Variants in RFLNA observed in about 807,000 individuals in gnomAD.
RFLNA encodes the protein refilin A, also known as refilin-A.
A neutral mutation model predicts 7.8 loss-of-function variants in RFLNA; 5 were observed. That is an observed-to-expected ratio of 0.64 (90% confidence interval 0.34 to 1.35). The LOEUF is 1.35. RFLNA is among the 40% of genes most tolerant of loss of function. The pLI, the probability that RFLNA is intolerant of heterozygous loss-of-function variation, is 0.04. For synonymous variants in RFLNA, 141 were observed against 131.3 expected (o/e 1.07, Z -0.50); for missense variants, 278 against 305.5 (o/e 0.91, Z 0.67).
At chr12:124,299,797 G>GT (rs956735791) in intron 1 of RFLNA, among the ~76,000 whole-genome samples, 13 of 144,394 alleles carry the variant, frequency 9.0e-5, no homozygotes, top group Non-Finnish European at 1.6e-4. Context: ...AGCGGGGTGG[G>GT]TGAGTAACAC....
intron 1 of RFLNA, among the ~76,000 whole-genome samples, chr12:124,300,778 G>A (rs201579951): frequency 2.1e-5 from 1 of 48,164 alleles, no homozygotes; most frequent in African/African-American, 1.2e-4. Context: ...ATGGATTGAC[G>A]GATGGATGGA....
intron 1 of RFLNA, among the ~76,000 whole-genome samples, chr12:124,298,501 G>C (rs914738613): frequency 6.6e-6 from 1 of 152,186 alleles, no homozygotes; most frequent in Admixed American, 6.5e-5. Context: ...GAACATTCCC[G>C]ATCACTCCCA....
chr12:124,307,839 G>T (rs1235864245), intron 1 of RFLNA, among the ~76,000 whole-genome samples: 2 of 152,188 alleles, frequency 1.3e-5, no homozygotes, highest in East Asian at 3.9e-4. Context: ...ATCGAGGTGT[G>T]AGCAGGGCCA....
intron 1 of RFLNA, among the ~76,000 whole-genome samples, chr12:124,300,786 G>T (rs1376760740): frequency 2.5e-5 from 3 of 120,082 alleles, no homozygotes; most frequent in Admixed American, 1.9e-4. Flanking sequence ...ACGGATGGAT[G>T]GATGGATGGA....
chr12:124,293,430 G>A (rs559317265), upstream of RFLNA, among the ~76,000 whole-genome samples: 2 of 152,270 alleles, frequency 1.3e-5, no homozygotes, highest in South Asian at 4.1e-4. Flanking sequence ...TTTGGGAAAT[G>A]TGAATTTCCA....
intron 1 of RFLNA, 110 bp from the exon 2 acceptor site, chr12:124,311,708 C>T (rs2064595841): frequency 1.8e-6 from 2 of 1,089,342 alleles, no homozygotes; most frequent in South Asian, 2.0e-5. Flanking sequence ...AAGCAGCTTC[C>T]AGACCAAGCC....
At chr12:124,304,896 C>T (rs1041551330) in intron 1 of RFLNA, among the ~76,000 whole-genome samples, 1 of 152,202 alleles carries the variant, frequency 6.6e-6, no homozygotes, top group Non-Finnish European at 1.5e-5. Context: ...TCATCTCACT[C>T]CCACAGGGCC....
intron 1 of RFLNA, among the ~76,000 whole-genome samples, chr12:124,297,287 A>G (rs1466955292): frequency 6.6e-6 from 1 of 152,012 alleles, no homozygotes; most frequent in Non-Finnish European, 1.5e-5. Context: ...TGGCTCTTCT[A>G]CTTGACTTTA....
chr12:124,300,882 G>T (rs184131989), intron 1 of RFLNA, among the ~76,000 whole-genome samples: 1 of 145,790 alleles, frequency 6.9e-6, no homozygotes, highest in East Asian at 2.1e-4. Context: ...ATGAATAGAT[G>T]GGCAAATAGA....
chr12:124,310,516 G>GGGGT, intron 1 of RFLNA, among the ~76,000 whole-genome samples: 1 of 15,064 alleles, frequency 6.6e-5, no homozygotes, highest in African/African-American at 1.5e-4. Flanking sequence ...GGACTGCAGG[G>GGGGT]AGGGGGAGGT....
upstream of RFLNA, among the ~76,000 whole-genome samples, chr12:124,293,422 T>C (rs78362591): frequency 0.045 from 6,878 of 152,194 alleles, 224 homozygotes; most frequent in East Asian, 0.14. Flanking sequence ...GGTGAGCATT[T>C]GGGAAATGTG....
chr12:124,313,696 T>A (rs575920713), intron 2 of RFLNA, among the ~76,000 whole-genome samples: 5 of 148,996 alleles, frequency 3.4e-5, no homozygotes, highest in South Asian at 2.1e-4. Context: ...AAAAAAAAGG[T>A]TGCATGTGCC....
rs2034317527 is a variant in RFLNA at position 124,314,602 on chromosome 12, T to A, written c.*77T>A. On this transcript the variant is annotated 3_prime_UTR_variant, in exon 3 of 3. Coordinates refer to ENST00000546355, the MANE Select transcript of RFLNA (RefSeq NM_001365156.1). ...AGCCGGGAGGATGGACACGATGAGC[T>A]CGGCCTGGCACTCGGGCAGGAGGCG... 2.0e-6 allele frequency: 3 copies of A among 1,534,386 alleles called. No homozygotes were observed. The East Asian group carries it at 7.3e-5, about 38-fold the overall frequency.
At chr12:124,311,793 C>G (rs762769806) in intron 1 of RFLNA, 25 bp from the exon 2 acceptor site, 1 of 1,540,892 alleles carries the variant, frequency 6.5e-7, no homozygotes, top group South Asian at 1.2e-5. Flanking sequence ...GCTGCATAAC[C>G]CCGTGTCCCT....
At chr12:124,302,813 G>GGGGGCCGAGGTCAGA (rs2034064777) in intron 1 of RFLNA, among the ~76,000 whole-genome samples, 2 of 68,336 alleles carry the variant, frequency 2.9e-5, no homozygotes, top group Non-Finnish European at 6.9e-5. Flanking sequence ...GCTGAGGTCA[G>GGGGGCCGAGGTCAGA]GGGCCGAGGT....
chr12:124,303,001 ACCT>A (rs750226439), intron 1 of RFLNA, among the ~76,000 whole-genome samples: 3 of 151,832 alleles, frequency 2.0e-5, no homozygotes, highest in Non-Finnish European at 4.4e-5. Context: ...GGCTCTGGGT[ACCT>A]CCTCCTGCCT....
rs985222807 is a variant in RFLNA, at chr12:124,306,364, G to T, written c.208-5454G>T. On this transcript the variant is annotated intron_variant, in intron 1 of 2. Transcript: ENST00000546355. The surrounding 1 kb of genome is among the most constrained non-coding windows in gnomAD (Gnocchi z 5.2). ...CACCAGCCCAAGCGAGAAGCAGCCA[G>T]TGCAGCAGGGAACAGCGGGAACACC... 6.6e-6 allele frequency among the ~76,000 whole-genome samples: 1 copy of T among 152,194 alleles called. No homozygotes were observed.
intron 1 of RFLNA, among the ~76,000 whole-genome samples, chr12:124,296,002 CAT>C (rs2033901808): frequency 6.6e-6 from 1 of 151,678 alleles, no homozygotes; most frequent in African/African-American, 2.4e-5. Flanking sequence ...ATGTTGCAGA[CAT>C]CTGGACCCGG....
In RFLNA at chr12:124,309,423, A is replaced by G. The variant is rs189923455; in HGVS notation, c.208-2395A>G. Among the ~76,000 whole-genome samples, 25 of 152,342 alleles carry G rather than the reference A, an allele frequency of 1.6e-4. 1 individual carries two copies. The highest frequency in any genetic ancestry group is 1.4e-3 in the Admixed American group (21 of 15,308). Reference sequence around the variant, plus strand: ...AGCCTCTGTTTGCCACCATGGCAGCAGTACAGAGCGCAGTGCCGGCACACA... The same window carrying G: ...AGCCTCTGTTTGCCACCATGGCAGCGGTACAGAGCGCAGTGCCGGCACACA... On this transcript the variant is annotated intron_variant, in intron 1 of 2. Transcript: ENST00000546355.
Sources: allele counts gnomAD v4.1 joint callset (sites outside exome capture counted in the v4.1 genomes callset), GRCh38; gene constraint gnomAD v4.1.1; non-coding constraint Gnocchi (gnomAD v3.1); transcripts MANE v1.5; gene names NCBI Gene and HGNC (gene_info 2026-07-23, HGNC 2026-07-21).